CNTNAP2: variants seen among roughly 807,000 people sequenced by gnomAD.
CNTNAP2 encodes the protein contactin-associated protein-like 2.
A neutral mutation model predicts 155.2 loss-of-function variants in CNTNAP2; 98 were observed. The observed-to-expected ratio is 0.63, with a 90% confidence interval of 0.54 to 0.75. CNTNAP2 has a LOEUF of 0.75. Ranked by LOEUF, CNTNAP2 falls within the 30% of genes least tolerant of loss-of-function variation. The pLI, the probability that CNTNAP2 is intolerant of heterozygous loss-of-function variation, is 0.00. For synonymous variants in CNTNAP2, 651 were observed against 631.2 expected, an observed-to-expected ratio of 1.03 and a Z score of -0.47; for missense variants, 1,727 against 1,688.1, an observed-to-expected ratio of 1.02 and a Z score of -0.40.
chr7:146,656,625 AAC>A, intron 1 of CNTNAP2, among the ~76,000 whole-genome samples: 1 of 152,188 alleles, frequency 6.6e-6, no homozygotes, highest in Admixed American at 6.5e-5. Context: ...GTGAGAAAGA[AAC>A]ACAAAAGCAG....
At chr7:147,879,028 G>A (rs1198812629) in intron 13 of CNTNAP2, among the ~76,000 whole-genome samples, 1 of 152,158 alleles carries the variant, frequency 6.6e-6, no homozygotes, top group Non-Finnish European at 1.5e-5. Flanking sequence ...AGTTGTTATT[G>A]AAGAGAACCT....
chr7:146,340,739 A>G (rs1489441462), intron 1 of CNTNAP2, among the ~76,000 whole-genome samples: 3 of 152,172 alleles, frequency 2.0e-5, no homozygotes, highest in African/African-American at 4.8e-5. Context: ...CCTGAAAAAT[A>G]TTAGCCTTAT....
chr7:147,408,654 AG>A (rs1351875282), intron 10 of CNTNAP2, among the ~76,000 whole-genome samples: 1 of 152,184 alleles, frequency 6.6e-6, no homozygotes, highest in Admixed American at 6.5e-5. Context: ...GCTACTCGGG[AG>A]GCTGAGGCAG....
chr7:147,039,341 C>T lies in CNTNAP2; in HGVS notation c.403-4566C>T, dbSNP rs559744363. On this transcript the variant is annotated intron_variant, in intron 3 of 23. Transcript: ENST00000361727. ...ATTAAGCCCAGTACCCAATAGTTAT[C>T]CTTTCTGCTCCTCTCCCTCCTTCCA... 1.3e-3 allele frequency among the ~76,000 whole-genome samples: 201 copies of T among 152,178 alleles called. 4 individuals carry two copies. The highest frequency in any genetic ancestry group is 4.3e-3 in the African/African-American group (178 of 41,518).
At chr7:146,697,761 T>A (rs1313949522) in intron 1 of CNTNAP2, among the ~76,000 whole-genome samples, 1 of 152,198 alleles carries the variant, frequency 6.6e-6, no homozygotes, top group African/African-American at 2.4e-5. Context: ...TTGATTGGTA[T>A]ATTCAGATCA....
chr7:147,536,069 A>G (rs780809756), intron 11 of CNTNAP2, among the ~76,000 whole-genome samples: 2 of 152,210 alleles, frequency 1.3e-5, no homozygotes, highest in Admixed American at 6.5e-5. Flanking sequence ...GAGCACTTAC[A>G]TGACTCACCG....
At chr7:146,952,701 C>T (rs1459324470) in intron 3 of CNTNAP2, among the ~76,000 whole-genome samples, 2 of 151,986 alleles carry the variant, frequency 1.3e-5, no homozygotes, top group East Asian at 3.9e-4. Context: ...AAATAAAATA[C>T]CTAAGAATAC....
intron 1 of CNTNAP2, among the ~76,000 whole-genome samples, chr7:146,701,557 A>G (rs1347845513): frequency 3.9e-5 from 6 of 152,130 alleles, no homozygotes; most frequent in Admixed American, 1.3e-4. Flanking sequence ...CAGGGGTATT[A>G]TTTAGAGTTT....
intron 1 of CNTNAP2, among the ~76,000 whole-genome samples, chr7:146,581,849 T>G (rs1798615836): frequency 6.6e-6 from 1 of 152,092 alleles, no homozygotes; most frequent in South Asian, 2.1e-4. Flanking sequence ...TTGTCTAAAC[T>G]CAACTAGAAA....
intron 1 of CNTNAP2, among the ~76,000 whole-genome samples, chr7:146,270,932 G>C (rs1490013945): frequency 6.6e-6 from 1 of 151,976 alleles, no homozygotes; most frequent in Non-Finnish European, 1.5e-5. Context: ...CCCCATCCCA[G>C]AAAACTATAT....
chr7:147,267,271 C>T (rs1804633744), intron 8 of CNTNAP2, among the ~76,000 whole-genome samples: 2 of 152,116 alleles, frequency 1.3e-5, no homozygotes, highest in African/African-American at 2.4e-5. Flanking sequence ...CCCTGTAATA[C>T]TTAAAAAATT....
At position 146,581,960 on chromosome 7, in the gene CNTNAP2, G is replaced by A. The variant is rs117642232; in HGVS notation, c.98-192311G>A. 2.0e-5 allele frequency among the ~76,000 whole-genome samples: 3 copies of A among 152,184 alleles called. No homozygotes were observed. The East Asian group carries it at 5.8e-4, about 29-fold the overall frequency. On this transcript the variant is annotated intron_variant, in intron 1 of 23. Transcript: ENST00000361727. ...GAGGAGTTTACAATCTAGAAATGTG[G>A]TCATATGCATAAATAGCTGTAATAC...
chr7:146,803,673 T>C (rs1802919900), intron 2 of CNTNAP2, among the ~76,000 whole-genome samples: 1 of 152,198 alleles, frequency 6.6e-6, no homozygotes, highest in African/African-American at 2.4e-5. Flanking sequence ...TAGATGCATA[T>C]AATTTTAAAG....
At chr7:147,987,998 T>C (rs1801648113) in intron 15 of CNTNAP2, among the ~76,000 whole-genome samples, 1 of 152,110 alleles carries the variant, frequency 6.6e-6, no homozygotes, top group Non-Finnish European at 1.5e-5. Context: ...CCTGGCAGGT[T>C]TTATACATTT....
chr7:146,688,627 A>G (rs1469520847), intron 1 of CNTNAP2, among the ~76,000 whole-genome samples: 1 of 152,102 alleles, frequency 6.6e-6, no homozygotes, highest in East Asian at 1.9e-4. Flanking sequence ...GCAAATCACA[A>G]TGGTGGAATG....
intron 15 of CNTNAP2, 68 bp from the exon 16 acceptor site, chr7:148,118,050 G>A (rs1804513678): frequency 6.5e-7 from 1 of 1,527,488 alleles, no homozygotes; most frequent in Admixed American, 1.7e-5. Flanking sequence ...TCAAGCAATG[G>A]GTATCTGTTA....
intron 21 of CNTNAP2, among the ~76,000 whole-genome samples, chr7:148,293,682 T>C (rs897485682): frequency 6.6e-6 from 1 of 152,180 alleles, no homozygotes; most frequent in African/African-American, 2.4e-5. Context: ...GGAGAAGTCA[T>C]GTCTTGGACA....
chr7:146,146,928 T>C (rs1354126164), intron 1 of CNTNAP2, among the ~76,000 whole-genome samples: 5 of 152,178 alleles, frequency 3.3e-5, no homozygotes, highest in Admixed American at 2.6e-4. Flanking sequence ...TCACTAATGG[T>C]GCGAAGTCTT....
In CNTNAP2 at chr7:148,259,179, T is replaced by TAAAAAAAAAAAA. The variant is rs34229180; in HGVS notation, c.3382-7835_3382-7824dup. ...GGGCAACAAAAGCAAAACTCCGTCT[T>TAAAAAAAAAAAA]AAAAAAAAAAAAAAAAAAAAAAAAA... On this transcript the variant is annotated intron_variant, in intron 20 of 23. Coordinates refer to ENST00000361727, the MANE Select transcript of CNTNAP2 (RefSeq NM_014141.6). Among the ~76,000 whole-genome samples, 6 of 24,026 alleles carry TAAAAAAAAAAAA rather than the reference T, an allele frequency of 2.5e-4. 1 individual carries two copies. The highest frequency in any genetic ancestry group is 3.2e-3 in the East Asian group (2 of 624). The allele number at this position is 24,026 out of a possible 152,430, so 15.8% of individuals were successfully genotyped here.
Sources: gnomAD v4.1 joint callset for allele counts (sites outside exome capture counted in the v4.1 genomes callset) on GRCh38, gnomAD v4.1.1 for gene constraint, MANE v1.5 for transcripts, NCBI Gene and HGNC (gene_info 2026-07-23, HGNC 2026-07-21) for gene names.